CADPS: variants seen among roughly 807,000 people sequenced by gnomAD.
CADPS encodes calcium dependent secretion activator.
CADPS carries 57 observed loss-of-function variants against 167.3 expected under a neutral mutation model. The observed-to-expected ratio is 0.34, with a 90% confidence interval of 0.28 to 0.42. The LOEUF (loss-of-function observed/expected upper bound fraction) is 0.42. CADPS is among the 20% of genes least tolerant of loss of function. CADPS has a pLI of 1.00. For missense variants in CADPS, 1,414 were observed against 1,738.1 expected (o/e 0.81, Z 3.32); for synonymous variants, 676 against 635.3 (o/e 1.06, Z -0.96).
At chr3:62,800,852 G>C (rs1035102262) in intron 1 of CADPS, among the ~76,000 whole-genome samples, 1 of 152,018 alleles carries the variant, frequency 6.6e-6, no homozygotes, top group Non-Finnish European at 1.5e-5. Context: ...ATTCGTTCTC[G>C]ATGTCTTAGT....
intron 1 of CADPS, among the ~76,000 whole-genome samples, chr3:62,785,511 A>G (rs370516723): frequency 1.2e-4 from 18 of 152,310 alleles, no homozygotes; most frequent in East Asian, 5.8e-4. Flanking sequence ...TTACTCACCC[A>G]GTACATAATG....
chr3:62,482,145 T>G (rs2150855887), intron 21 of CADPS, among the ~76,000 whole-genome samples: 1 of 152,264 alleles, frequency 6.6e-6, no homozygotes, highest in African/African-American at 2.4e-5. Context: ...GGGCCTTTGG[T>G]TTCCATATCC....
chr3:62,523,429 T>C (rs112876658), intron 13 of CADPS, among the ~76,000 whole-genome samples: 41 of 152,322 alleles, frequency 2.7e-4, no homozygotes, highest in African/African-American at 9.9e-4. Flanking sequence ...TGAAATGAAT[T>C]TACCTCTTTA....
rs55665003 is a variant in CADPS at position 62,648,691 on chromosome 3, C to CAAAAAAAAAAAAAAAAAAAAAA, written c.1203+2155_1203+2156insTTTTTTTTTTTTTTTTTTTTTT. On this transcript the variant is annotated intron_variant, in intron 5 of 29. Transcript: ENST00000383710. ...TGGGCAACAGAGTGAGACGTTGTGT[C>CAAAAAAAAAAAAAAAAAAAAAA]AAAAAAAAAAAAAAGAGGAAAGAAA... is the stretch of plus-strand genomic sequence containing the variant. Among the ~76,000 whole-genome samples the CAAAAAAAAAAAAAAAAAAAAAA allele has an allele frequency of 1.8e-4, 10 of 54,548 alleles. 3 individuals carry two copies. The highest frequency in any genetic ancestry group is 6.0e-4 in the African/African-American group (10 of 16,746). The allele number at this position is 54,548 out of a possible 152,430, so 35.8% of individuals were successfully genotyped here.
chr3:62,573,022 C>A (rs1036795226), intron 8 of CADPS, among the ~76,000 whole-genome samples: 2 of 152,144 alleles, frequency 1.3e-5, no homozygotes, highest in African/African-American at 4.8e-5. Context: ...GCTAGGATTA[C>A]AGATGTGCAC....
chr3:62,492,566 AT>A, intron 19 of CADPS, 120 bp from the exon 20 acceptor site: 1 of 975,674 alleles, frequency 1.0e-6, no homozygotes. Context: ...GGGTTTGGTA[AT>A]TTTATTGTAA....
intron 26 of CADPS, among the ~76,000 whole-genome samples, chr3:62,451,728 C>G (rs900769572): frequency 6.6e-6 from 1 of 152,188 alleles, no homozygotes; most frequent in African/African-American, 2.4e-5. Flanking sequence ...TGCCTAGATA[C>G]TGCAGACCAC....
In CADPS at chr3:62,399,605, A is replaced by T. The variant is rs953555586; in HGVS notation, c.3883-20T>A. The T allele has an allele frequency of 6.2e-7, 1 of 1,605,418 alleles. No individual in the cohort carries two copies. Among genetic ancestry groups the T allele is most frequent in the Non-Finnish European group, 8.5e-7 (1 of 1,172,794 alleles). ...GGTTTTCTAAGGAAGGAAAAGATAC[A>T]GTGATAAGAGAGATCTCATCTCCAT... On this transcript the variant is annotated intron_variant, in intron 29 of 29. Transcript: ENST00000383710. The surrounding 1 kb of genome is among the most constrained non-coding windows in gnomAD (Gnocchi z 5.6).
At chr3:62,694,519 A>T (rs2079901509) in intron 3 of CADPS, among the ~76,000 whole-genome samples, 1 of 152,050 alleles carries the variant, frequency 6.6e-6, no homozygotes, top group South Asian at 2.1e-4. Flanking sequence ...GATCAATTAC[A>T]TTAGACCCCT....
intron 13 of CADPS, among the ~76,000 whole-genome samples, chr3:62,526,040 A>G (rs986574974): frequency 6.6e-6 from 1 of 152,136 alleles, no homozygotes; most frequent in Non-Finnish European, 1.5e-5. Context: ...CACTGGGGAG[A>G]AAGAGAAGTC....
chr3:62,417,308 A>C (rs1414035818), intron 28 of CADPS, among the ~76,000 whole-genome samples: 4 of 51,816 alleles, frequency 7.7e-5, no homozygotes, highest in African/African-American at 8.0e-5. Context: ...TTTTTTTGAG[A>C]CTGTCTTGCT....
intron 3 of CADPS, among the ~76,000 whole-genome samples, chr3:62,715,753 C>CTTTTTTTTTTTTTTTTT (rs71123291): frequency 1.1e-5 from 1 of 89,716 alleles, no homozygotes; most frequent in Non-Finnish European, 2.0e-5. Context: ...GATTATAAAT[C>CTTTTTTTTTTTTTTTTT]TTTTTTTTTT....
At chr3:62,692,941 A>G (rs1403875982) in intron 3 of CADPS, among the ~76,000 whole-genome samples, 1 of 151,950 alleles carries the variant, frequency 6.6e-6, no homozygotes, top group Non-Finnish European at 1.5e-5. Flanking sequence ...TTAGTAGATG[A>G]TGTGACCTCT....
intron 3 of CADPS, among the ~76,000 whole-genome samples, chr3:62,744,557 TCTCTATTTGCAAGG>T (rs1218194680): frequency 6.6e-6 from 1 of 152,192 alleles, no homozygotes; most frequent in East Asian, 1.9e-4. Context: ...TAGTAAAATA[TCTCTATTTGCAAGG>T]CTGTGCTAGA....
chr3:62,489,285 C>T (rs559230206), intron 21 of CADPS, among the ~76,000 whole-genome samples: 163 of 152,132 alleles, frequency 1.1e-3, no homozygotes, highest in Admixed American at 0.01. Flanking sequence ...CTCAGCCTCC[C>T]GAGTAGCTGG....
chr3:62,549,650 C>G (rs1289902877), intron 11 of CADPS, among the ~76,000 whole-genome samples: 3 of 151,986 alleles, frequency 2.0e-5, no homozygotes, highest in Non-Finnish European at 2.9e-5. Context: ...GTACTCTCAC[C>G]AAAACAGAGA....
At chr3:62,866,155 G>A (rs2081635473) in intron 1 of CADPS, among the ~76,000 whole-genome samples, 1 of 152,060 alleles carries the variant, frequency 6.6e-6, no homozygotes, top group African/African-American at 2.4e-5. Flanking sequence ...TCTCTACAAT[G>A]GATCTAGAAA....
chr3:62,781,504 A>C (rs1319933325), intron 1 of CADPS, among the ~76,000 whole-genome samples: 1 of 152,214 alleles, frequency 6.6e-6, no homozygotes, highest in Non-Finnish European at 1.5e-5. Context: ...TCAGCAGAGA[A>C]GGGACAATGA....
intron 6 of CADPS, among the ~76,000 whole-genome samples, chr3:62,600,600 C>G (rs1339013071): frequency 6.6e-6 from 1 of 152,166 alleles, no homozygotes; most frequent in Non-Finnish European, 1.5e-5. Context: ...GATTCTATCT[C>G]CAAATAGTGC....
Sources: gnomAD v4.1 joint callset for allele counts (sites outside exome capture counted in the v4.1 genomes callset) on GRCh38, gnomAD v4.1.1 for gene constraint, Gnocchi (gnomAD v3.1) non-coding constraint, MANE v1.5 for transcripts, NCBI Gene and HGNC (gene_info 2026-07-23, HGNC 2026-07-21) for gene names.